Variants in GALNTL6 observed in about 807,000 individuals in gnomAD.
The protein encoded by GALNTL6 is polypeptide N-acetylgalactosaminyltransferase-like 6.
GALNTL6 carries 46 observed loss-of-function variants against 73.7 expected under a neutral mutation model. That is an observed-to-expected ratio of 0.62 (90% CI 0.49 to 0.80). GALNTL6 has a LOEUF of 0.80. GALNTL6 is among the 30% of genes least tolerant of loss of function. The probability of loss-of-function intolerance (pLI) is 0.00; values close to 1 mark genes in which losing one functional copy is unlikely to be tolerated. For missense variants in GALNTL6, 604 were observed against 755.0 expected (o/e 0.80, Z 2.34); for synonymous variants, 259 against 263.7 (o/e 0.98, Z 0.17).
chr4:172,311,966 A>G (rs958315994), intron 4 of GALNTL6, among the ~76,000 whole-genome samples: 8 of 152,354 alleles, frequency 5.3e-5, no homozygotes, highest in Non-Finnish European at 7.3e-5. Flanking sequence ...TAAAAATCCA[A>G]TACACATTTT....
intron 2 of GALNTL6, among the ~76,000 whole-genome samples, chr4:171,999,395 T>A (rs543339678): frequency 6.6e-5 from 10 of 152,334 alleles, no homozygotes; most frequent in African/African-American, 2.4e-4. Flanking sequence ...ATGTGTGCTA[T>A]TTCCGGGGAG....
chr4:172,991,455 G>A (rs1751537202), intron 10 of GALNTL6, among the ~76,000 whole-genome samples: 1 of 152,004 alleles, frequency 6.6e-6, no homozygotes, highest in Admixed American at 6.6e-5. Flanking sequence ...CTGCAGTGCA[G>A]TGGCATGATC....
At chr4:172,927,479 G>A (rs1271961003) in intron 8 of GALNTL6, among the ~76,000 whole-genome samples, 1 of 151,998 alleles carries the variant, frequency 6.6e-6, no homozygotes, top group South Asian at 2.1e-4. Context: ...ACAAAGCTTA[G>A]CACCATAAAG....
At chr4:171,868,086 G>A (rs1471413470) in intron 2 of GALNTL6, among the ~76,000 whole-genome samples, 15 of 150,512 alleles carry the variant, frequency 1.0e-4, no homozygotes, top group Admixed American at 1.3e-4. Flanking sequence ...TCCTGGTCTC[G>A]AGCAATCCTC....
intron 5 of GALNTL6, among the ~76,000 whole-genome samples, chr4:172,788,435 G>A (rs1030890183): frequency 1.3e-5 from 2 of 152,098 alleles, no homozygotes; most frequent in South Asian, 4.1e-4. Context: ...CACTTTGGGA[G>A]GCCGAGACGG....
At chr4:173,039,146 T>A (rs940474708) in intron 12 of GALNTL6, among the ~76,000 whole-genome samples, 1 of 152,258 alleles carries the variant, frequency 6.6e-6, no homozygotes, top group Admixed American at 6.5e-5. Flanking sequence ...TATATTTTCA[T>A]TCACTGAGCT....
intron 10 of GALNTL6, among the ~76,000 whole-genome samples, chr4:172,981,732 A>G (rs1751070819): frequency 6.6e-6 from 1 of 152,108 alleles, no homozygotes; most frequent in African/African-American, 2.4e-5. Flanking sequence ...ATTTCTTAAA[A>G]AAACATTGAG....
intron 2 of GALNTL6, among the ~76,000 whole-genome samples, chr4:171,898,810 A>T (rs1223312554): frequency 6.6e-6 from 1 of 152,088 alleles, no homozygotes; most frequent in Non-Finnish European, 1.5e-5. Flanking sequence ...GATAATGTAC[A>T]ACTGCCAAAA....
At chr4:172,604,187 G>A (rs1184952965) in intron 5 of GALNTL6, among the ~76,000 whole-genome samples, 1 of 152,140 alleles carries the variant, frequency 6.6e-6, no homozygotes, top group Non-Finnish European at 1.5e-5. Context: ...AGATCGATGG[G>A]AGATAGGATA....
intron 7 of GALNTL6, among the ~76,000 whole-genome samples, chr4:172,852,463 A>C (rs754087160): frequency 2.6e-5 from 4 of 152,164 alleles, no homozygotes; most frequent in African/African-American, 4.8e-5. Flanking sequence ...TAAGCAAGAC[A>C]GTGCTAGGAT....
At chr4:172,977,692 T>C in intron 10 of GALNTL6, among the ~76,000 whole-genome samples, 1 of 151,664 alleles carries the variant, frequency 6.6e-6, no homozygotes, top group African/African-American at 2.4e-5. Flanking sequence ...TCTATGGGAG[T>C]CTTACATGAT....
chr4:172,805,503 G>A (rs1740902951), intron 5 of GALNTL6, among the ~76,000 whole-genome samples: 1 of 152,044 alleles, frequency 6.6e-6, no homozygotes, highest in Non-Finnish European at 1.5e-5. Context: ...CATATCATCA[G>A]GATATACGGG....
intron 2 of GALNTL6, among the ~76,000 whole-genome samples, chr4:172,011,905 T>G (rs1741019818): frequency 6.6e-6 from 1 of 152,074 alleles, no homozygotes; most frequent in South Asian, 2.1e-4. Context: ...TTTTTCATAG[T>G]GCAATAGGGT....
intron 3 of GALNTL6, among the ~76,000 whole-genome samples, chr4:172,237,166 G>T (rs1737272701): frequency 6.6e-6 from 1 of 152,178 alleles, no homozygotes; most frequent in Non-Finnish European, 1.5e-5. Context: ...GAATAGTGCT[G>T]CAGTGAACAT....
intron 2 of GALNTL6, among the ~76,000 whole-genome samples, chr4:172,024,307 T>G (rs573895425): frequency 6.6e-6 from 1 of 151,934 alleles, no homozygotes; most frequent in Non-Finnish European, 1.5e-5. Context: ...TTCATCTTTC[T>G]TATGCTTTGT....
At chr4:171,879,786 T>C (rs533850487) in intron 2 of GALNTL6, among the ~76,000 whole-genome samples, 4 of 152,160 alleles carry the variant, frequency 2.6e-5, no homozygotes, top group Non-Finnish European at 5.9e-5. Context: ...CTCATGACAA[T>C]ACATAATAGA....
intron 5 of GALNTL6, among the ~76,000 whole-genome samples, chr4:172,538,791 G>A (rs112085726): frequency 3.5e-4 from 53 of 152,120 alleles, no homozygotes; most frequent in African/African-American, 1.2e-3. Context: ...TGAATTTTGG[G>A]GAGACTATAA....
intron 5 of GALNTL6, among the ~76,000 whole-genome samples, chr4:172,622,178 A>G (rs557984562): frequency 6.6e-6 from 1 of 152,344 alleles, no homozygotes; most frequent in African/African-American, 2.4e-5. Flanking sequence ...AAAATAGTCC[A>G]GTTTTCCCAA....
At chr4:173,013,316 T>A (rs1284102245) in intron 11 of GALNTL6, among the ~76,000 whole-genome samples, 4 of 152,142 alleles carry the variant, frequency 2.6e-5, no homozygotes, top group Admixed American at 2.6e-4. Context: ...CTTCATTTCT[T>A]GGGCTAAATT....
Sources: allele counts gnomAD v4.1 joint callset (sites outside exome capture counted in the v4.1 genomes callset), GRCh38; gene constraint gnomAD v4.1.1; transcripts MANE v1.5; gene names NCBI Gene and HGNC (gene_info 2026-07-23, HGNC 2026-07-21).